The following DLGAP2 variants were observed in gnomAD, a reference collection of about 807,000 sequenced individuals.
The protein encoded by DLGAP2 is disks large-associated protein 2.
DLGAP2 carries 26 observed loss-of-function variants against 100.3 expected under a neutral mutation model. The observed-to-expected ratio is 0.26, with a 90% CI of 0.19 to 0.36. The LOEUF (loss-of-function observed/expected upper bound fraction) is 0.36. DLGAP2 is among the 10% of genes least tolerant of loss of function. The pLI is 1.00. For missense variants in DLGAP2, 1,858 were observed against 1,453.2 expected, an observed-to-expected ratio of 1.28 and a Z score of -4.53; for synonymous variants, 886 against 630.1, an observed-to-expected ratio of 1.41 and a Z score of -6.08.
intron 4 of DLGAP2, among the ~76,000 whole-genome samples, chr8:1,508,776 G>A (rs1800047529): frequency 6.6e-6 from 1 of 151,544 alleles, no homozygotes; most frequent in South Asian, 2.1e-4. Context: ...AAAACACCGA[G>A]CAGGCAAATG....
intron 3 of DLGAP2, among the ~76,000 whole-genome samples, chr8:1,271,480 C>T (rs1390525669): frequency 6.6e-6 from 1 of 152,132 alleles, no homozygotes; most frequent in Non-Finnish European, 1.5e-5. Flanking sequence ...GCCCCAAGCC[C>T]ATTTATCAGG....
At chr8:907,800 C>G in intron 1 of DLGAP2, 112 bp from the exon 2 acceptor site, 1 of 395,444 alleles carries the variant, frequency 2.5e-6, no homozygotes, top group Admixed American at 4.4e-5. Context: ...GGCACGCTGA[C>G]TTTGTGCAAC....
At chr8:1,420,896 G>A (rs898808276) in intron 3 of DLGAP2, among the ~76,000 whole-genome samples, 1 of 152,148 alleles carries the variant, frequency 6.6e-6, no homozygotes, top group East Asian at 1.9e-4. Context: ...TGGGCTGCAG[G>A]TGTGGCAAGG....
chr8:1,315,171 C>T (rs190108124), intron 3 of DLGAP2, among the ~76,000 whole-genome samples: 6 of 152,336 alleles, frequency 3.9e-5, no homozygotes, highest in East Asian at 1.9e-4. Flanking sequence ...AAATAACTTG[C>T]GATAATTCCC....
intron 1 of DLGAP2, among the ~76,000 whole-genome samples, chr8:757,854 G>A (rs1820958744): frequency 6.6e-6 from 1 of 152,190 alleles, no homozygotes. Context: ...ATTTTAAACA[G>A]GAATCGGGGC....
At chr8:1,573,993 C>A (rs1228601198) in intron 6 of DLGAP2, among the ~76,000 whole-genome samples, 1 of 152,110 alleles carries the variant, frequency 6.6e-6, no homozygotes, top group Non-Finnish European at 1.5e-5. Flanking sequence ...GGACTCCTAA[C>A]CCATTCTGGG....
chr8:746,004 G>T (rs943619443), intron 1 of DLGAP2, among the ~76,000 whole-genome samples: 14 of 152,188 alleles, frequency 9.2e-5, no homozygotes, highest in Admixed American at 8.5e-4. Flanking sequence ...GCCAGCCAAG[G>T]TCATCCCCTC....
In DLGAP2 at chr8:1,196,008, C is replaced by G. The variant is rs925986499; in HGVS notation, c.74-62843C>G. 3.3e-5 allele frequency among the ~76,000 whole-genome samples: 5 copies of G among 152,190 alleles called. No individual in the cohort carries two copies. The East Asian group carries it at 9.6e-4, about 29-fold the overall frequency. ...CTGTGGGGATGCTCACGTTCGTGAG[C>G]AGAGTTAAGCTTCTCTCAAATAGCC... On this transcript the variant is annotated intron_variant, in intron 2 of 14. Transcript: ENST00000637795.
In DLGAP2 at chr8:1,184,637, G is replaced by A. The variant is rs567537695; in HGVS notation, c.74-74214G>A. ...TGCCGAGCCTGGGGCTGGAGTGCAAGGTCGTTTTCAGCAGGCAGCACCCTC... is the reference window on the plus strand; with the variant it reads ...TGCCGAGCCTGGGGCTGGAGTGCAAAGTCGTTTTCAGCAGGCAGCACCCTC... On this transcript the variant is annotated intron_variant, in intron 2 of 14. Transcript: ENST00000637795. 2.0e-5 allele frequency among the ~76,000 whole-genome samples: 3 copies of A among 152,312 alleles called. No homozygotes were observed. In the East Asian group the frequency reaches 5.8e-4, roughly 29 times the overall value.
At chr8:1,522,358 A>G (rs931499340) in intron 4 of DLGAP2, among the ~76,000 whole-genome samples, 1 of 152,188 alleles carries the variant, frequency 6.6e-6, no homozygotes, top group East Asian at 1.9e-4. Flanking sequence ...AGCTGAGTGC[A>G]TGGGGAAGCT....
intron 1 of DLGAP2, among the ~76,000 whole-genome samples, chr8:850,975 G>A (rs990069752): frequency 6.6e-6 from 1 of 152,158 alleles, no homozygotes; most frequent in Non-Finnish European, 1.5e-5. Context: ...AAGAGGCCAT[G>A]TACAGAGCTA....
chr8:1,524,970 C>T (rs969829734), intron 4 of DLGAP2, among the ~76,000 whole-genome samples: 4 of 152,092 alleles, frequency 2.6e-5, no homozygotes, highest in East Asian at 1.9e-4. Context: ...GGTGGTTTTG[C>T]GGGGAGATTG....
chr8:930,792 CT>C (rs986914557), intron 2 of DLGAP2, among the ~76,000 whole-genome samples: 1 of 152,210 alleles, frequency 6.6e-6, no homozygotes, highest in Non-Finnish European at 1.5e-5. Context: ...GGTGCAGAGG[CT>C]GTCCTGTGAA....
chr8:1,243,685 C>T lies in DLGAP2; in HGVS notation c.74-15166C>T, dbSNP rs563782171. Among the ~76,000 whole-genome samples, 349 of 152,168 alleles carry T rather than the reference C, an allele frequency of 2.3e-3. 3 individuals are homozygous for T. The highest frequency in any genetic ancestry group is 7.6e-3 in the African/African-American group (316 of 41,518). ...CATACTCGGTGGGGCTGGAGCCTGC[C>T]GATGCCCATGCCGCTGCCTCAGTCA... On this transcript the variant is annotated intron_variant, in intron 2 of 14. Coordinates refer to ENST00000637795, the MANE Select transcript of DLGAP2 (RefSeq NM_001346810.2).
At chr8:909,288 C>A (rs1342499154) in intron 2 of DLGAP2, among the ~76,000 whole-genome samples, 2 of 152,114 alleles carry the variant, frequency 1.3e-5, no homozygotes, top group Non-Finnish European at 2.9e-5. Flanking sequence ...AAGATTTTTG[C>A]AACTGTGTCC....
intron 1 of DLGAP2, among the ~76,000 whole-genome samples, chr8:903,198 G>C (rs1006474946): frequency 5.9e-5 from 9 of 152,060 alleles, no homozygotes; most frequent in Non-Finnish European, 1.3e-4. Flanking sequence ...TCTGGAGGCA[G>C]TCACAGGTTG....
chr8:1,255,740 ACTGTATGTGTGTCCTCTCCTGCCTGGGTG>A (rs1799189721), intron 2 of DLGAP2, among the ~76,000 whole-genome samples: 1 of 90,868 alleles, frequency 1.1e-5, no homozygotes, highest in African/African-American at 4.1e-5. Context: ...CTGCCCGAGC[ACTGTATGTGTGTCCTCTCCTGCCTGGGTG>A]CTGTGTGTGT....
At chr8:1,480,980 G>T (rs192758000) in intron 3 of DLGAP2, among the ~76,000 whole-genome samples, 1 of 152,018 alleles carries the variant, frequency 6.6e-6, no homozygotes, top group East Asian at 1.9e-4. Flanking sequence ...AGACCATCCT[G>T]GCTAACATGG....
chr8:796,504 C>G (rs944537225), intron 1 of DLGAP2, among the ~76,000 whole-genome samples: 1 of 152,170 alleles, frequency 6.6e-6, no homozygotes, highest in East Asian at 1.9e-4. Flanking sequence ...AGGGTGTGGC[C>G]TGCTCTGTTC....
Sources: allele counts gnomAD v4.1 joint callset (sites outside exome capture counted in the v4.1 genomes callset), GRCh38; gene constraint gnomAD v4.1.1; transcripts MANE v1.5; gene names NCBI Gene and HGNC (gene_info 2026-07-23, HGNC 2026-07-21).